The following ZNF559 variants were observed in gnomAD, a reference collection of about 807,000 sequenced individuals.
ZNF559 encodes zinc finger protein 559, also known as putative protein product of Nbla00121.
In ZNF559, 17 loss-of-function variants were observed where a neutral mutation model predicts 14.2. The ratio of observed to expected loss-of-function variants is 1.20; its 90% CI spans 0.82 to 1.80. The LOEUF is 1.80. Ranked by LOEUF, ZNF559 falls within the 40% of genes most tolerant of loss-of-function variation. ZNF559 has a pLI of 0.00. For synonymous variants in ZNF559, 244 were observed against 212.4 expected, an observed-to-expected ratio of 1.15 and a Z score of -1.29; for missense variants, 740 against 629.7, an observed-to-expected ratio of 1.18 and a Z score of -1.88.
In ZNF559 at chr19:9,343,140, C is replaced by T; in HGVS notation, c.*72C>T. ...CACACTTACTGAACATGTACTCATT[C>T]ATAGTGGCAATGTACACAGTCATAA... On this transcript the variant is annotated 3_prime_UTR_variant, in exon 7 of 7. Transcript: ENST00000603380. 6.5e-7 allele frequency: 1 copy of T among 1,538,444 alleles called. No homozygotes were observed. Among genetic ancestry groups the T allele is most frequent in the East Asian group, 2.3e-5 (1 of 44,436 alleles).
intron 2 of ZNF559, among the ~76,000 whole-genome samples, chr19:9,329,817 C>G (rs181686970): frequency 4.0e-4 from 61 of 152,260 alleles, no homozygotes; most frequent in Middle Eastern, 3.4e-3. Context: ...GCATGTGCCA[C>G]CATGCCTGGC....
At chr19:9,329,838 A>AT (rs1304489882) in intron 2 of ZNF559, among the ~76,000 whole-genome samples, 1 of 152,024 alleles carries the variant, frequency 6.6e-6, no homozygotes, top group African/African-American at 2.4e-5. Flanking sequence ...TAATTTTTGT[A>AT]TTTTTAGTAG....
chr19:9,326,742 C>A (rs997744021), intron 2 of ZNF559, among the ~76,000 whole-genome samples: 1 of 152,064 alleles, frequency 6.6e-6, no homozygotes, highest in Non-Finnish European at 1.5e-5. Context: ...TGAGACATTT[C>A]ACACTTCTTT....
intron 2 of ZNF559, among the ~76,000 whole-genome samples, chr19:9,336,294 C>T (rs2067234603): frequency 6.6e-6 from 1 of 152,014 alleles, no homozygotes; most frequent in Admixed American, 6.6e-5. Flanking sequence ...CACCAATTGA[C>T]ATAATACATA....
Position 9,343,010 on chromosome 19 carries a change from C to T in ZNF559, c.1559C>T (p.Pro520Leu). ...CTAAGAAGTCATAGTGTGGAGAAACCATATAAGGAATGTGGGCAAACCTTT... is the reference window on the plus strand; with the variant it reads ...CTAAGAAGTCATAGTGTGGAGAAACTATATAAGGAATGTGGGCAAACCTTT... Reference protein sequence around the residue: ...RHLRSHSVEKPYKECGQTFSN... With the variant: ...RHLRSHSVEKLYKECGQTFSN... Residue 520 changes from proline (P) to leucine (L), a missense_variant, in exon 7 of 7, where the codon CCA (proline) becomes CTA (leucine). Coordinates refer to ENST00000603380, the MANE Select transcript of ZNF559 (RefSeq NM_032497.3). 6.2e-7 allele frequency: 1 copy of T among 1,614,046 alleles called. No homozygotes were observed. The highest frequency in any genetic ancestry group is 1.3e-5 in the African/African-American group (1 of 75,046).
At chr19:9,332,494 C>A (rs2145123261) in intron 2 of ZNF559, among the ~76,000 whole-genome samples, 1 of 152,260 alleles carries the variant, frequency 6.6e-6, no homozygotes, top group Admixed American at 6.5e-5. Context: ...CTTTGCCCTG[C>A]CACTTGCCTT....
intron 3 of ZNF559, chr19:9,338,090 T>C: frequency 7.3e-7 from 1 of 1,374,162 alleles, no homozygotes; most frequent in Non-Finnish European, 1.0e-6. Flanking sequence ...GTGATTAGGG[T>C]TTAGGGTCTA....
chr19:9,324,515 C>G, intron 1 of ZNF559, 180 bp from the exon 2 acceptor site: 1 of 1,294,820 alleles, frequency 7.7e-7, no homozygotes, highest in Non-Finnish European at 1.0e-6. Flanking sequence ...TCATAGGGCC[C>G]GGCGCGGCGG....
rs376523946 is a variant in ZNF559 at position 9,335,549 on chromosome 19, TTTC to T, written c.-119-2241_-119-2239del. ...TTCATCCACCCCATACATTTTCTTT[TTTC>T]TTCTTTTTTTGTTGAGACAAGGTCT... On this transcript the variant is annotated intron_variant, in intron 2 of 6. Coordinates refer to ENST00000603380, the MANE Select transcript of ZNF559 (RefSeq NM_032497.3). Among the ~76,000 whole-genome samples, 177 of 152,308 alleles carry T rather than the reference TTTC, an allele frequency of 1.2e-3. 1 individual carries two copies. The highest frequency in any genetic ancestry group is 3.6e-3 in the African/African-American group (150 of 41,550).
At chr19:9,337,895 G>A in intron 3 of ZNF559, 37 bp downstream of exon 3, 1 of 1,532,984 alleles carries the variant, frequency 6.5e-7, no homozygotes, top group Non-Finnish European at 8.7e-7. Context: ...TTAATCAAGA[G>A]GAATTGAGAT....
intron 1 of ZNF559, 76 bp downstream of exon 1, chr19:9,324,304 G>A (rs2066440709): frequency 2.0e-6 from 3 of 1,535,580 alleles, no homozygotes; most frequent in South Asian, 1.2e-5. Flanking sequence ...GGAAAGGGGA[G>A]GTGCCCAGTG....
chr19:9,337,858 G>T lies in ZNF559; in HGVS notation c.-57G>T, dbSNP rs949480542. ...TAATGCCTGTTGCTGAAAGATTGAC[G>T]GTATGAGGCAAGACTCCCACTACTA... is the stretch of plus-strand genomic sequence containing the variant. On this transcript the variant is annotated splice_region_variant and 5_prime_UTR_variant, in exon 3 of 7. Coordinates refer to ENST00000603380, the MANE Select transcript of ZNF559 (RefSeq NM_032497.3). 6 of 1,502,372 alleles carry T rather than the reference G, an allele frequency of 4.0e-6. No individual in the cohort carries two copies. In the South Asian group the frequency reaches 5.1e-5, roughly 13 times the overall value. The allele number at this position is 1,502,372 out of a possible 1,614,324, so 93.1% of individuals were successfully genotyped here.
At chr19:9,341,584 C>G in intron 6 of ZNF559, 111 bp from the exon 7 acceptor site, 1 of 1,563,916 alleles carries the variant, frequency 6.4e-7, no homozygotes, top group Non-Finnish European at 8.6e-7. Flanking sequence ...CAAACAGTTT[C>G]AATTATACTA....
rs760001020 is a variant in ZNF559 at position 9,342,151 on chromosome 19, A to T, written c.700A>T (p.Thr234Ser). 8 of 1,612,674 alleles carry T rather than the reference A, an allele frequency of 5.0e-6. No homozygotes were observed. In the Admixed American group the frequency reaches 1.2e-4, roughly 24 times the overall value. ...HSTALFVHMQ[T>S]QDGEKFYECK... ...TACAGCCCTTTTTGTACACATGCAA[A>T]CTCAAGATGGAGAAAAATTCTATGA... The change falls in exon 7 of 7, where the codon ACT becomes TCT. Residue 234 changes from threonine (T) to serine (S), a missense_variant. Physicochemically the swap from Thr to Ser is moderately conservative, Grantham distance 58 (BLOSUM62 1). Transcript: ENST00000603380.
rs1335998932 is a variant in ZNF559 at position 9,337,666 on chromosome 19, A to G, written c.-119-130A>G. The G allele has an allele frequency of 5.8e-6, 3 of 518,252 alleles. No individual in the cohort carries two copies. In the South Asian group the frequency reaches 9.4e-5, roughly 16 times the overall value. The allele number at this position is 518,252 out of a possible 1,614,324, so 32.1% of individuals were successfully genotyped here. ...TATGATAGTAACAAAAACTGCTTTG[A>G]TAATTATATGAACTTATCCTACCAC... On this transcript the variant is annotated intron_variant, in intron 2 of 6. Transcript: ENST00000603380.
chr19:9,338,005 C>G (rs2067335673), intron 3 of ZNF559, 147 bp downstream of exon 3: 1 of 1,535,970 alleles, frequency 6.5e-7, no homozygotes, highest in Non-Finnish European at 8.7e-7. Context: ...GGCCATTGGT[C>G]TTTCCCTTTG....
Position 9,328,516 on chromosome 19 carries a change from A to G in ZNF559, c.-120+3736A>G, listed in dbSNP as rs189467457. On this transcript the variant is annotated intron_variant, in intron 2 of 6. Transcript: ENST00000603380. Reference sequence around the variant, plus strand: ...TTACAGGCTCCTGCCACCACACCTCACTAATTTCTGTATTTTAGTAGAGAC... The same window carrying G: ...TTACAGGCTCCTGCCACCACACCTCGCTAATTTCTGTATTTTAGTAGAGAC... 1.3e-4 allele frequency among the ~76,000 whole-genome samples: 20 copies of G among 151,494 alleles called. 1 individual carries two copies. The highest frequency in any genetic ancestry group is 4.6e-4 in the African/African-American group (19 of 41,290).
chr19:9,324,109 C>G, upstream of ZNF559: 2 of 1,514,830 alleles, frequency 1.3e-6, no homozygotes, highest in East Asian at 2.5e-5. Flanking sequence ...CTGATGGGCC[C>G]GGGAACCCGA....
chr19:9,324,340 C>G, intron 1 of ZNF559, 112 bp downstream of exon 1: 7 of 1,520,982 alleles, frequency 4.6e-6, no homozygotes, highest in Non-Finnish European at 6.2e-6. Context: ...CGTGCACTTT[C>G]GGGCATTTCG....
Sources: allele counts gnomAD v4.1 joint callset (sites outside exome capture counted in the v4.1 genomes callset), GRCh38; gene constraint gnomAD v4.1.1; transcripts MANE v1.5; gene names NCBI Gene and HGNC (gene_info 2026-07-23, HGNC 2026-07-21).